Variants in DPYD observed in about 807,000 individuals in gnomAD.
DPYD encodes dihydropyrimidine dehydrogenase [NADP(+)].
DPYD carries 109 observed loss-of-function variants against 116.2 expected under a neutral mutation model. The observed-to-expected ratio is 0.94, with a 90% confidence interval of 0.80 to 1.10. DPYD has a LOEUF of 1.10. DPYD is among the 50% of genes least tolerant of loss of function. The pLI is 0.00. For synonymous variants in DPYD, 440 were observed against 432.0 expected, an observed-to-expected ratio of 1.02 and a Z score of -0.23; for missense variants, 1,302 against 1,254.5, an observed-to-expected ratio of 1.04 and a Z score of -0.57.
chr1:97,128,282 T>C (rs1425262772), intron 20 of DPYD, among the ~76,000 whole-genome samples: 1 of 152,208 alleles, frequency 6.6e-6, no homozygotes, highest in Non-Finnish European at 1.5e-5. Flanking sequence ...TCTTGAGTTC[T>C]CATTTACTGA....
intron 1 of DPYD, among the ~76,000 whole-genome samples, chr1:97,900,749 C>T (rs980016794): frequency 4.0e-5 from 6 of 151,768 alleles, no homozygotes; most frequent in African/African-American, 1.2e-4. Context: ...CCTTTGCAAA[C>T]TGTTTTTTGA....
chr1:97,161,055 C>T (rs1655858074), intron 20 of DPYD, among the ~76,000 whole-genome samples: 2 of 152,136 alleles, frequency 1.3e-5, no homozygotes, highest in Admixed American at 6.6e-5. Flanking sequence ...GGTCTAACTC[C>T]ATCCTGCACA....
intron 8 of DPYD, among the ~76,000 whole-genome samples, chr1:97,633,485 T>C (rs958193790): frequency 6.6e-6 from 1 of 152,008 alleles, no homozygotes; most frequent in South Asian, 2.1e-4. Flanking sequence ...TGGGAGGGCA[T>C]AGACACAGCC....
chr1:97,898,910 G>A (rs1010886688), intron 1 of DPYD, among the ~76,000 whole-genome samples: 1 of 151,816 alleles, frequency 6.6e-6, no homozygotes, highest in African/African-American at 2.4e-5. Context: ...CCAGCCATGT[G>A]GAACTCTGAA....
At chr1:97,125,978 A>G (rs1462022956) in intron 20 of DPYD, among the ~76,000 whole-genome samples, 2 of 152,164 alleles carry the variant, frequency 1.3e-5, no homozygotes, top group East Asian at 3.9e-4. Flanking sequence ...GAAATAATTT[A>G]TATCATTCCT....
intron 3 of DPYD, among the ~76,000 whole-genome samples, chr1:97,786,074 A>T (rs761481501): frequency 2.2e-4 from 27 of 122,970 alleles, no homozygotes; most frequent in Non-Finnish European, 3.6e-4. Context: ...CAGCCAAATT[A>T]AAAAAAAAAA....
intron 2 of DPYD, among the ~76,000 whole-genome samples, chr1:97,832,777 G>A (rs894029487): frequency 6.6e-6 from 1 of 152,112 alleles, no homozygotes; most frequent in Non-Finnish European, 1.5e-5. Flanking sequence ...ATTTCATAGT[G>A]TTTTATATCT....
chr1:97,504,016 G>T lies in DPYD; in HGVS notation c.1740+11710C>A, dbSNP rs575017439. On this transcript the variant is annotated intron_variant, in intron 13 of 22. Coordinates refer to ENST00000370192, the MANE Select transcript of DPYD (RefSeq NM_000110.4). ...ATGTTCAAGTAGATAACAAAAATCT[G>T]CTTAGGGAACTCTTACACCCTTCAC... Among the ~76,000 whole-genome samples, 22 of 152,014 alleles carry T rather than the reference G, an allele frequency of 1.4e-4. 1 individual carries two copies. In the South Asian group the frequency reaches 4.6e-3, roughly 32 times the overall value.
In DPYD at chr1:97,738,108, C is replaced by A. The variant is rs1335506896; in HGVS notation, c.321+2284G>T. Among the ~76,000 whole-genome samples, 2 of 152,196 alleles carry A rather than the reference C, an allele frequency of 1.3e-5. 1 individual carries two copies. The highest frequency in any genetic ancestry group is 4.8e-5 in the African/African-American group (2 of 41,544). ...GAATATATCTCTATTGTTTTAAATACAGGATCACGAAATCAAGGAACACTG... is the reference window on the plus strand; with the variant it reads ...GAATATATCTCTATTGTTTTAAATAAAGGATCACGAAATCAAGGAACACTG... On this transcript the variant is annotated intron_variant, in intron 4 of 22. Transcript: ENST00000370192.
chr1:97,294,076 T>C (rs1419403803), intron 18 of DPYD, among the ~76,000 whole-genome samples: 2 of 152,170 alleles, frequency 1.3e-5, no homozygotes, highest in East Asian at 1.9e-4. Context: ...GGAGTCGATA[T>C]GAAGGAAACA....
intron 19 of DPYD, among the ~76,000 whole-genome samples, chr1:97,228,287 C>T (rs559056526): frequency 2.8e-4 from 43 of 151,896 alleles, no homozygotes; most frequent in Non-Finnish European, 3.8e-4. Context: ...AGAAGGTATG[C>T]GCTATCACAC....
At chr1:97,319,535 G>T (rs1408849421) in intron 16 of DPYD, among the ~76,000 whole-genome samples, 1 of 141,442 alleles carries the variant, frequency 7.1e-6, no homozygotes, top group Non-Finnish European at 1.5e-5. Flanking sequence ...AAACCAGGAA[G>T]CAGTTGAATC....
chr1:97,704,413 T>G (rs1661783712), intron 5 of DPYD, among the ~76,000 whole-genome samples: 2 of 152,134 alleles, frequency 1.3e-5, no homozygotes, highest in Non-Finnish European at 2.9e-5. Flanking sequence ...GAATAGATTG[T>G]GTAAGTTAAA....
At chr1:97,430,141 A>AT (rs1030930843) in intron 14 of DPYD, among the ~76,000 whole-genome samples, 4 of 152,134 alleles carry the variant, frequency 2.6e-5, no homozygotes, top group African/African-American at 9.7e-5. Flanking sequence ...GGCAACTCAC[A>AT]TTTTTCCTAC....
At chr1:97,310,756 A>G (rs1667462850) in intron 16 of DPYD, among the ~76,000 whole-genome samples, 2 of 151,812 alleles carry the variant, frequency 1.3e-5, no homozygotes, top group Admixed American at 6.6e-5. Context: ...AATTATATAT[A>G]CAAGTGAGAT....
intron 20 of DPYD, among the ~76,000 whole-genome samples, chr1:97,147,194 A>G (rs1654691299): frequency 6.6e-6 from 1 of 152,138 alleles, no homozygotes; most frequent in African/African-American, 2.4e-5. Context: ...CTGAAACTAC[A>G]AAAATTAGCT....
At chr1:97,849,122 T>C (rs918599131) in intron 2 of DPYD, among the ~76,000 whole-genome samples, 10 of 152,324 alleles carry the variant, frequency 6.6e-5, no homozygotes, top group Admixed American at 1.3e-4. Context: ...ATTGTGATAC[T>C]GAAGTCACTT....
At chr1:97,681,728 AAT>A in intron 7 of DPYD, among the ~76,000 whole-genome samples, 1 of 152,226 alleles carries the variant, frequency 6.6e-6, no homozygotes, top group East Asian at 1.9e-4. Flanking sequence ...GAAAAAGAAA[AAT>A]AATTTCGCTG....
intron 20 of DPYD, among the ~76,000 whole-genome samples, chr1:97,133,008 GA>G (rs1426543359): frequency 2.0e-5 from 3 of 151,872 alleles, no homozygotes; most frequent in African/African-American, 7.2e-5. Context: ...GGTATGTGAT[GA>G]AAAAGTAAGG....
Sources: allele counts gnomAD v4.1 joint callset (sites outside exome capture counted in the v4.1 genomes callset), GRCh38; gene constraint gnomAD v4.1.1; transcripts MANE v1.5; gene names NCBI Gene and HGNC (gene_info 2026-07-23, HGNC 2026-07-21).